TASP1: variants seen among roughly 807,000 people sequenced by gnomAD.
TASP1 encodes taspase 1, also known as threonine aspartase 1.
TASP1 carries 16 observed loss-of-function variants against 56.6 expected under a neutral mutation model. That is an observed-to-expected ratio of 0.28 (90% CI 0.19 to 0.43). The LOEUF (loss-of-function observed/expected upper bound fraction) is 0.43. Among genes scored for constraint, TASP1 ranks in the 20% least tolerant of loss-of-function variants. The pLI is 1.00. For synonymous variants in TASP1, 179 were observed against 184.2 expected (o/e 0.97, Z 0.23); for missense variants, 393 against 511.6 (o/e 0.77, Z 2.24).
chr20:13,339,583 T>C, the TASP1 span, among the ~76,000 whole-genome samples: 2 of 152,242 alleles, frequency 1.3e-5, no homozygotes, highest in African/African-American at 2.4e-5. Flanking sequence ...ACGAATTTTC[T>C]ACATGTCTGG....
chr20:13,140,746 T>C, the TASP1 span, among the ~76,000 whole-genome samples: 2 of 152,226 alleles, frequency 1.3e-5, no homozygotes. Context: ...TATTAATTTT[T>C]GAATTTCAAT....
intron 11 of TASP1, among the ~76,000 whole-genome samples, chr20:13,480,167 G>A (rs149702294): frequency 3.2e-4 from 48 of 152,128 alleles, no homozygotes; most frequent in African/African-American, 9.9e-4. Context: ...CAGAAGATAC[G>A]ACATAGACAG....
chr20:13,266,968 G>A, the TASP1 span, among the ~76,000 whole-genome samples: 8 of 152,266 alleles, frequency 5.3e-5, no homozygotes, highest in Admixed American at 5.2e-4. Context: ...AAGAGATAAA[G>A]AAAGGTTTTC....
chr20:13,583,021 A>T (rs1468760526), intron 5 of TASP1, among the ~76,000 whole-genome samples: 2 of 152,188 alleles, frequency 1.3e-5, no homozygotes, highest in Non-Finnish European at 2.9e-5. Context: ...CCAGCATTTG[A>T]ACACCACGTT....
At chr20:13,246,774 A>G in the TASP1 span, among the ~76,000 whole-genome samples, 3 of 152,136 alleles carry the variant, frequency 2.0e-5, no homozygotes, top group African/African-American at 7.2e-5. Context: ...CTCCATTCAT[A>G]CCTTTTCTTT....
chr20:13,247,526 GT>G, the TASP1 span, among the ~76,000 whole-genome samples: 54 of 149,350 alleles, frequency 3.6e-4, no homozygotes, highest in Non-Finnish European at 4.5e-5. Context: ...GGGTGTGTGT[GT>G]GTGTGTGTGT....
At chr20:13,452,003 C>T (rs1046379880) in intron 11 of TASP1, among the ~76,000 whole-genome samples, 3 of 152,030 alleles carry the variant, frequency 2.0e-5, no homozygotes, top group Non-Finnish European at 4.4e-5. Flanking sequence ...AACAGGGGAA[C>T]AATTGGTTAG....
At chr20:13,621,922 T>C (rs1432355011) in intron 4 of TASP1, among the ~76,000 whole-genome samples, 1 of 152,230 alleles carries the variant, frequency 6.6e-6, no homozygotes, top group Non-Finnish European at 1.5e-5. Context: ...ACAATTGAAC[T>C]AGTTAAGTTA....
In TASP1 at chr20:13,523,972, G is replaced by A. The variant is rs961969953; in HGVS notation, c.874+4461C>T. 9.9e-5 allele frequency among the ~76,000 whole-genome samples: 15 copies of A among 151,932 alleles called. No homozygotes were observed. In the East Asian group the frequency reaches 2.9e-3, roughly 29 times the overall value. On this transcript the variant is annotated intron_variant, in intron 10 of 13. Transcript: ENST00000337743. ...AAGACCAGCCCGGGCAACACAGCAA[G>A]ATCCTGTCTCTACAAAAAAATTAAA...
At chr20:13,114,914 G>A in the TASP1 span, among the ~76,000 whole-genome samples, 1 of 152,138 alleles carries the variant, frequency 6.6e-6, no homozygotes, top group Admixed American at 6.5e-5. Flanking sequence ...ACTTAGCTAA[G>A]ACATTATGTA....
chr20:13,434,981 T>C, intron 12 of TASP1, 63 bp downstream of exon 12: 1 of 1,225,184 alleles, frequency 8.2e-7, no homozygotes. Context: ...AGGGTATAAA[T>C]ATTTTCATTT....
intron 1 of TASP1, among the ~76,000 whole-genome samples, chr20:13,637,363 T>C (rs2049346074): frequency 6.6e-6 from 1 of 152,220 alleles, no homozygotes; most frequent in Non-Finnish European, 1.5e-5. Context: ...AGAGTTACCA[T>C]ATGCCCACCA....
chr20:13,269,972 GATATGTGA>G, the TASP1 span, among the ~76,000 whole-genome samples: 1 of 152,142 alleles, frequency 6.6e-6, no homozygotes, highest in Admixed American at 6.6e-5. Flanking sequence ...TGGATAGATG[GATATGTGA>G]ATGGAGTATG....
At chr20:13,499,914 T>C (rs920321534) in intron 10 of TASP1, among the ~76,000 whole-genome samples, 1 of 152,004 alleles carries the variant, frequency 6.6e-6, no homozygotes, top group African/African-American at 2.4e-5. Context: ...CTCTCATAAA[T>C]GGGAGCTATA....
intron 7 of TASP1, among the ~76,000 whole-genome samples, chr20:13,564,168 T>A (rs905470581): frequency 1.3e-5 from 2 of 152,052 alleles, no homozygotes; most frequent in South Asian, 4.2e-4. Context: ...ACTTGGAACA[T>A]CCTAAAGATC....
the TASP1 span, chr20:13,298,849 C>G: frequency 6.0e-5 from 82 of 1,357,544 alleles, no homozygotes; most frequent in African/African-American, 9.1e-4. Context: ...CCTGCGGGCC[C>G]TCAGGAGCAG....
chr20:13,154,060 A>C, the TASP1 span: 1 of 1,614,178 alleles, frequency 6.2e-7, no homozygotes, highest in Non-Finnish European at 8.5e-7. Context: ...CAAAGACTGC[A>C]GGAAATGGGA....
At chr20:13,407,891 C>A (rs764546285) in intron 13 of TASP1, among the ~76,000 whole-genome samples, 1 of 152,088 alleles carries the variant, frequency 6.6e-6, no homozygotes, top group African/African-American at 2.4e-5. Context: ...AGAAAAATGT[C>A]TACTCAGATC....
chr20:13,430,462 C>G (rs1158792778), intron 12 of TASP1, among the ~76,000 whole-genome samples: 1 of 152,182 alleles, frequency 6.6e-6, no homozygotes, highest in Non-Finnish European at 1.5e-5. Context: ...TCCTCAGAAG[C>G]AGCTGTTGGG....
Sources: allele counts gnomAD v4.1 joint callset (sites outside exome capture counted in the v4.1 genomes callset), GRCh38; gene constraint gnomAD v4.1.1; transcripts MANE v1.5; gene names NCBI Gene and HGNC (gene_info 2026-07-23, HGNC 2026-07-21).